LRRC7: variants seen among roughly 807,000 people sequenced by gnomAD.
LRRC7 encodes leucine rich repeat containing 7.
Under a neutral mutation model 175.7 loss-of-function variants are expected in LRRC7, and 23 were observed. The ratio of observed to expected loss-of-function variants is 0.13; its 90% CI spans 0.09 to 0.19. The LOEUF (loss-of-function observed/expected upper bound fraction) is 0.19. Among genes scored for constraint, LRRC7 ranks in the 10% least tolerant of loss-of-function variants. The pLI, the probability that LRRC7 is intolerant of heterozygous loss-of-function variation, is 1.00. For missense variants in LRRC7, 1,354 were observed against 1,904.7 expected (o/e 0.71, Z 5.38); for synonymous variants, 685 against 680.9 (o/e 1.01, Z -0.09).
At chr1:69,934,408 A>G (rs1449442020) in intron 8 of LRRC7, among the ~76,000 whole-genome samples, 5 of 149,524 alleles carry the variant, frequency 3.3e-5, no homozygotes, top group Admixed American at 1.4e-4. Context: ...AAAAATTCTA[A>G]ACAAAGGGAA....
intron 26 of LRRC7, among the ~76,000 whole-genome samples, chr1:70,110,511 T>C (rs528844770): frequency 7.0e-4 from 107 of 152,322 alleles, no homozygotes; most frequent in Non-Finnish European, 9.7e-4. Flanking sequence ...TTTCTAATCC[T>C]GGAGAGGTAA....
At chr1:69,572,973 A>G (rs1645798751) in intron 1 of LRRC7, among the ~76,000 whole-genome samples, 2 of 152,076 alleles carry the variant, frequency 1.3e-5, no homozygotes, top group Admixed American at 1.3e-4. Flanking sequence ...AAATATGTCT[A>G]TTTCCTATCT....
chr1:69,957,676 G>A (rs1650639287), intron 8 of LRRC7, among the ~76,000 whole-genome samples: 1 of 151,760 alleles, frequency 6.6e-6, no homozygotes, highest in African/African-American at 2.4e-5. Flanking sequence ...CAGTTTTGCA[G>A]TACATCTTTA....
chr1:69,714,200 C>T (rs1450123640), intron 2 of LRRC7, among the ~76,000 whole-genome samples: 1 of 152,124 alleles, frequency 6.6e-6, no homozygotes, highest in Non-Finnish European at 1.5e-5. Flanking sequence ...AGAAGACATA[C>T]TGAGGAATTT....
intron 11 of LRRC7, among the ~76,000 whole-genome samples, chr1:70,006,640 A>G (rs1656019581): frequency 6.6e-6 from 1 of 152,056 alleles, no homozygotes; most frequent in Admixed American, 6.5e-5. Flanking sequence ...GTTTAACTCA[A>G]TTTCGACACA....
At chr1:69,977,750 T>G (rs1487447133) in intron 8 of LRRC7, among the ~76,000 whole-genome samples, 1 of 152,186 alleles carries the variant, frequency 6.6e-6, no homozygotes, top group African/African-American at 2.4e-5. Context: ...TTGGCTCTCC[T>G]GACAATCTTG....
chr1:69,652,453 G>A (rs1655992447), intron 1 of LRRC7, among the ~76,000 whole-genome samples: 1 of 152,088 alleles, frequency 6.6e-6, no homozygotes, highest in Admixed American at 6.5e-5. Flanking sequence ...ATTAAATATT[G>A]ATAAAATGAA....
At chr1:69,865,469 C>CTTTT (rs532063540) in intron 7 of LRRC7, among the ~76,000 whole-genome samples, 2,080 of 51,176 alleles carry the variant, frequency 0.041, 562 homozygotes, top group African/African-American at 0.14. Context: ...AAGACAGTTC[C>CTTTT]TTTTTTTTTT....
chr1:70,049,250 G>T lies in LRRC7; in HGVS notation c.4111-3776G>T, dbSNP rs1009127. 5.5e-3 allele frequency among the ~76,000 whole-genome samples: 842 copies of T among 152,190 alleles called. 6 individuals are homozygous for T. The highest frequency in any genetic ancestry group is 0.035 in the South Asian group (167 of 4,824). ...TAGTTAGTTGATATTCATCCTACCA[G>T]ATTTTGAGTTAGAGAAATTTAGATA... On this transcript the variant is annotated intron_variant, in intron 22 of 26. Coordinates refer to ENST00000651989, the MANE Select transcript of LRRC7 (RefSeq NM_001370785.2).
At chr1:69,655,823 A>C (rs539556432) in intron 1 of LRRC7, among the ~76,000 whole-genome samples, 1 of 152,182 alleles carries the variant, frequency 6.6e-6, no homozygotes, top group South Asian at 2.1e-4. Context: ...GTTTGTACCT[A>C]ATGTTAATAA....
intron 7 of LRRC7, among the ~76,000 whole-genome samples, chr1:69,844,309 A>G (rs377539676): frequency 5.3e-5 from 8 of 152,128 alleles, no homozygotes; most frequent in African/African-American, 1.2e-4. Context: ...CAACTTGTTC[A>G]TCTTGTATAA....
chr1:69,717,577 C>G (rs1004799849), intron 2 of LRRC7, among the ~76,000 whole-genome samples: 1 of 151,446 alleles, frequency 6.6e-6, no homozygotes, highest in Non-Finnish European at 1.5e-5. Context: ...GTGGCACACG[C>G]TTATCCTATG....
intron 23 of LRRC7, among the ~76,000 whole-genome samples, chr1:70,061,258 C>T (rs1414298730): frequency 1.4e-4 from 22 of 152,160 alleles, no homozygotes; most frequent in Non-Finnish European, 4.4e-5. Context: ...AATTGGAGTT[C>T]CTTTCAGAGA....
chr1:69,649,971 A>G (rs547851461), intron 1 of LRRC7, among the ~76,000 whole-genome samples: 13 of 152,300 alleles, frequency 8.5e-5, no homozygotes, highest in Middle Eastern at 3.4e-3. Flanking sequence ...ATGGATGATG[A>G]CAGGCAAGCA....
intron 1 of LRRC7, among the ~76,000 whole-genome samples, chr1:69,628,205 T>C (rs532919228): frequency 6.6e-6 from 1 of 152,152 alleles, no homozygotes; most frequent in African/African-American, 2.4e-5. Context: ...TGTCTTTGTT[T>C]GCAGATAACA....
intron 1 of LRRC7, among the ~76,000 whole-genome samples, chr1:69,644,291 T>C (rs1654675366): frequency 6.6e-6 from 1 of 152,110 alleles, no homozygotes; most frequent in African/African-American, 2.4e-5. Context: ...TTTGTATTTC[T>C]CTCTTTTTTT....
In LRRC7 at chr1:70,121,857, C is replaced by T. The variant is rs749706768; in HGVS notation, c.4698C>T (p.Asp1566=). 2.5e-6 allele frequency: 4 copies of T among 1,609,894 alleles called. No individual in the cohort carries two copies. Among genetic ancestry groups the T allele is most frequent in the Non-Finnish European group, 3.4e-6 (4 of 1,176,478 alleles). ...TGAAGAGTTTCCAGAACACAGTAGA[C>T]CTAGTTATTCAACGTGAGCTTACTG... The part of the protein sequence containing the change: ...LLLKSFQNTV[D]LVIQRELTV Residue 1566 remains aspartate (D), a synonymous_variant, in exon 27 of 27, where the codon GAC becomes GAT. Transcript: ENST00000651989.
intron 1 of LRRC7, among the ~76,000 whole-genome samples, chr1:69,603,835 T>A (rs1432465529): frequency 6.6e-6 from 1 of 152,116 alleles, no homozygotes; most frequent in Non-Finnish European, 1.5e-5. Context: ...AGATGACAAG[T>A]TAGGAAGCAC....
At chr1:69,613,479 C>T (rs1161926988) in intron 1 of LRRC7, among the ~76,000 whole-genome samples, 2 of 151,974 alleles carry the variant, frequency 1.3e-5, no homozygotes, top group African/African-American at 4.8e-5. Flanking sequence ...TTGATTTTCA[C>T]CTCAAATATC....
Sources: allele counts gnomAD v4.1 joint callset (sites outside exome capture counted in the v4.1 genomes callset), GRCh38; gene constraint gnomAD v4.1.1; transcripts MANE v1.5; gene names NCBI Gene and HGNC (gene_info 2026-07-23, HGNC 2026-07-21).